The following RHOBTB1 variants were observed in gnomAD, a reference collection of about 807,000 sequenced individuals.
RHOBTB1 encodes the protein Rho related BTB domain containing 1, also known as rho-related BTB domain-containing protein 1.
Under a neutral mutation model 71.6 loss-of-function variants are expected in RHOBTB1, and 40 were observed. The observed-to-expected ratio is 0.56, with a 90% CI of 0.43 to 0.73. The LOEUF (loss-of-function observed/expected upper bound fraction) is 0.73, where lower values mean the gene tolerates loss of function less well. RHOBTB1 is among the 30% of genes least tolerant of loss of function. The pLI is 0.00. For missense variants in RHOBTB1, 797 were observed against 894.0 expected (o/e 0.89, Z 1.38); for synonymous variants, 319 against 334.9 (o/e 0.95, Z 0.52).
intron 8 of RHOBTB1, among the ~76,000 whole-genome samples, chr10:60,875,871 C>A: frequency 6.6e-6 from 1 of 152,214 alleles, no homozygotes; most frequent in African/African-American, 2.4e-5. Flanking sequence ...TCACCTGCCT[C>A]TGAGACTGAC....
chr10:60,999,846 C>T (rs1238184192), intron 1 of RHOBTB1, among the ~76,000 whole-genome samples: 1 of 152,184 alleles, frequency 6.6e-6, no homozygotes, highest in Non-Finnish European at 1.5e-5. Flanking sequence ...TTCACCCAAC[C>T]GTAAGGTAAA....
At chr10:60,924,438 G>A (rs2083747857) in intron 2 of RHOBTB1, among the ~76,000 whole-genome samples, 1 of 151,936 alleles carries the variant, frequency 6.6e-6, no homozygotes, top group Non-Finnish European at 1.5e-5. Context: ...ATGACAAAGG[G>A]GTCAATTAAG....
At chr10:60,892,209 T>C (rs2081957127) in intron 5 of RHOBTB1, among the ~76,000 whole-genome samples, 1 of 152,232 alleles carries the variant, frequency 6.6e-6, no homozygotes. Flanking sequence ...AAACAAATTC[T>C]CCTTCAAGTT....
intron 8 of RHOBTB1, 56 bp from the exon 9 acceptor site, chr10:60,875,098 G>A: frequency 7.4e-7 from 1 of 1,346,622 alleles, no homozygotes; most frequent in South Asian, 1.2e-5. Flanking sequence ...GAGCCAGGTA[G>A]CTTGCCTGGA....
intron 1 of RHOBTB1, among the ~76,000 whole-genome samples, chr10:60,998,986 A>T (rs1426718976): frequency 6.6e-6 from 1 of 152,202 alleles, no homozygotes; most frequent in Non-Finnish European, 1.5e-5. Flanking sequence ...TGAAACACAG[A>T]CAACGCCTGC....
intron 7 of RHOBTB1, among the ~76,000 whole-genome samples, chr10:60,881,099 C>T (rs1345429851): frequency 6.6e-6 from 1 of 152,182 alleles, no homozygotes; most frequent in Non-Finnish European, 1.5e-5. Flanking sequence ...GAATAAGTCT[C>T]ATGAGATCTG....
intron 2 of RHOBTB1, among the ~76,000 whole-genome samples, chr10:60,965,544 G>T (rs1023142481): frequency 3.9e-5 from 6 of 152,056 alleles, no homozygotes; most frequent in Admixed American, 2.0e-4. Flanking sequence ...ATTTGTAAGA[G>T]AATTAATTGG....
intron 2 of RHOBTB1, among the ~76,000 whole-genome samples, chr10:60,917,744 C>T (rs1198706042): frequency 6.6e-6 from 1 of 152,074 alleles, no homozygotes; most frequent in Non-Finnish European, 1.5e-5. Flanking sequence ...AGGGGGCAGA[C>T]ATTCACCCTG....
chr10:60,890,546 T>C (rs2081866938), intron 5 of RHOBTB1, among the ~76,000 whole-genome samples: 1 of 152,078 alleles, frequency 6.6e-6, no homozygotes, highest in Admixed American at 6.5e-5. Flanking sequence ...GGCAAAGGCA[T>C]AGATGGGTTC....
At chr10:60,861,319 A>G in the RHOBTB1 span, among the ~76,000 whole-genome samples, 1 of 152,158 alleles carries the variant, frequency 6.6e-6, no homozygotes, top group African/African-American at 2.4e-5. Context: ...ATATTGGTCA[A>G]ATGGAATTTC....
At chr10:60,982,436 AT>A (rs1252033837) in intron 2 of RHOBTB1, among the ~76,000 whole-genome samples, 1 of 152,156 alleles carries the variant, frequency 6.6e-6, no homozygotes, top group Non-Finnish European at 1.5e-5. Context: ...CATTGTGCTC[AT>A]TGCATATATT....
intron 1 of RHOBTB1, among the ~76,000 whole-genome samples, chr10:60,990,607 T>A (rs2086831196): frequency 6.6e-6 from 1 of 152,168 alleles, no homozygotes; most frequent in African/African-American, 2.4e-5. Context: ...CCACTGCTAC[T>A]TTCCTAGAAC....
At chr10:60,864,745 T>C (rs375542703), downstream of RHOBTB1, among the ~76,000 whole-genome samples, 1 of 152,112 alleles carries the variant, frequency 6.6e-6, no homozygotes, top group Admixed American at 6.6e-5. Flanking sequence ...CAGGCTGGAG[T>C]GCTGTAGTGG....
intron 2 of RHOBTB1, among the ~76,000 whole-genome samples, chr10:60,972,900 A>G (rs1218742518): frequency 1.3e-5 from 2 of 151,986 alleles, no homozygotes; most frequent in Non-Finnish European, 2.9e-5. Flanking sequence ...CAAAATACCC[A>G]CTGATGTTAA....
intron 2 of RHOBTB1, among the ~76,000 whole-genome samples, chr10:60,984,831 T>G (rs139497630): frequency 6.6e-6 from 1 of 152,312 alleles, no homozygotes; most frequent in East Asian, 1.9e-4. Flanking sequence ...TTCAGTCTTA[T>G]GTACACATTT....
chr10:60,982,895 G>A (rs568396500), intron 2 of RHOBTB1, among the ~76,000 whole-genome samples: 39 of 152,072 alleles, frequency 2.6e-4, no homozygotes, highest in African/African-American at 6.8e-4. Context: ...TTCCTCTTCC[G>A]CTCCCTTCTT....
chr10:60,974,992 G>A (rs764960166), intron 2 of RHOBTB1, among the ~76,000 whole-genome samples: 1 of 152,006 alleles, frequency 6.6e-6, no homozygotes, highest in Non-Finnish European at 1.5e-5. Flanking sequence ...GTGTGGCTGA[G>A]AGCTGTATGA....
At chr10:60,939,294 G>T (rs573663046) in intron 2 of RHOBTB1, among the ~76,000 whole-genome samples, 1 of 152,134 alleles carries the variant, frequency 6.6e-6, no homozygotes, top group Non-Finnish European at 1.5e-5. Context: ...CATTTTTGGC[G>T]TCTTTTTGCC....
At chr10:60,950,287 A>C (rs2085367794) in intron 2 of RHOBTB1, among the ~76,000 whole-genome samples, 2 of 152,226 alleles carry the variant, frequency 1.3e-5, no homozygotes, top group African/African-American at 4.8e-5. Context: ...TGTACTGGAA[A>C]AAATCTACAT....
Sources: gnomAD v4.1 joint callset for allele counts (sites outside exome capture counted in the v4.1 genomes callset) on GRCh38, gnomAD v4.1.1 for gene constraint, MANE v1.5 for transcripts, NCBI Gene and HGNC (gene_info 2026-07-23, HGNC 2026-07-21) for gene names.